The following CPQ variants were observed in gnomAD, a reference collection of about 807,000 sequenced individuals.
CPQ encodes the protein carboxypeptidase Q, also known as Ser-Met dipeptidase.
A neutral mutation model predicts 45.7 loss-of-function variants in CPQ; 37 were observed. That is an observed-to-expected ratio of 0.81 (90% CI 0.62 to 1.07). The LOEUF (loss-of-function observed/expected upper bound fraction) is 1.07, where lower values mean the gene tolerates loss of function less well. Among genes scored for constraint, CPQ ranks in the 50% least tolerant of loss-of-function variants. The pLI, the probability that CPQ is intolerant of heterozygous loss-of-function variation, is 0.00. For missense variants in CPQ, 537 were observed against 572.9 expected, an observed-to-expected ratio of 0.94 and a Z score of 0.64; for synonymous variants, 186 against 205.8, an observed-to-expected ratio of 0.90 and a Z score of 0.82.
In CPQ at chr8:96,900,658, T is replaced by A. The variant is rs187100936; in HGVS notation, c.849+20653T>A. Among the ~76,000 whole-genome samples the A allele has an allele frequency of 1.9e-3, 297 of 152,314 alleles. 1 individual carries two copies. The highest frequency in any genetic ancestry group is 6.7e-3 in the African/African-American group (277 of 41,582). On this transcript the variant is annotated intron_variant, in intron 4 of 7. Coordinates refer to ENST00000220763, the MANE Select transcript of CPQ (RefSeq NM_016134.4). ...GGTACATAGTGCTGCTTATAAATGA[T>A]GCATAAGTGACAATTTTATACTGTG...
chr8:96,683,881 G>A (rs967647359), intron 1 of CPQ, among the ~76,000 whole-genome samples: 3 of 151,750 alleles, frequency 2.0e-5, no homozygotes, highest in African/African-American at 7.3e-5. Flanking sequence ...TCAGTTCCAG[G>A]CCTTTGGTTT....
At chr8:97,063,258 G>T (rs966427777) in intron 6 of CPQ, among the ~76,000 whole-genome samples, 2 of 151,992 alleles carry the variant, frequency 1.3e-5, no homozygotes, top group African/African-American at 4.8e-5. Context: ...TCATATGCTT[G>T]TTGGCCACAC....
chr8:96,792,928 G>A (rs1810868682), intron 2 of CPQ, among the ~76,000 whole-genome samples: 2 of 152,118 alleles, frequency 1.3e-5, no homozygotes, highest in Admixed American at 6.5e-5. Context: ...CCTTCACAGG[G>A]CGGAAGGAGA....
intron 4 of CPQ, among the ~76,000 whole-genome samples, chr8:96,895,476 A>T (rs1586441932): frequency 6.6e-6 from 1 of 152,326 alleles, no homozygotes; most frequent in East Asian, 1.9e-4. Context: ...CCTGCAATTT[A>T]CTTAACCTGG....
At chr8:97,058,685 T>C (rs549064846) in intron 6 of CPQ, among the ~76,000 whole-genome samples, 1 of 152,262 alleles carries the variant, frequency 6.6e-6, no homozygotes, top group South Asian at 2.1e-4. Context: ...ATGTTGGCAC[T>C]TTCTCTTCTA....
intron 1 of CPQ, among the ~76,000 whole-genome samples, chr8:96,675,368 G>T (rs989769270): frequency 1.3e-5 from 2 of 152,016 alleles, no homozygotes; most frequent in Admixed American, 1.3e-4. Flanking sequence ...TTCAATATAT[G>T]TATGTAGAGA....
At chr8:97,122,936 TAAAATAAAATAAAATAAAATA>T (rs1563586792) in intron 7 of CPQ, among the ~76,000 whole-genome samples, 2 of 43,644 alleles carry the variant, frequency 4.6e-5, no homozygotes, top group Non-Finnish European at 6.9e-5. Flanking sequence ...ATAAATAAAA[TAAAATAAAATAAAATAAAATA>T]AAATAAAATA....
intron 7 of CPQ, among the ~76,000 whole-genome samples, chr8:97,103,438 G>A (rs1811351126): frequency 6.6e-6 from 1 of 152,182 alleles, no homozygotes; most frequent in South Asian, 2.1e-4. Context: ...TGTTATTTCT[G>A]TAACACCCAT....
intron 4 of CPQ, among the ~76,000 whole-genome samples, chr8:96,932,130 C>T (rs981751031): frequency 3.3e-5 from 5 of 151,898 alleles, no homozygotes; most frequent in East Asian, 3.9e-4. Flanking sequence ...CCAGATTGAA[C>T]GGTTGTTAAC....
chr8:96,662,054 CAT>C (rs1815707590), intron 1 of CPQ, among the ~76,000 whole-genome samples: 1 of 152,142 alleles, frequency 6.6e-6, no homozygotes, highest in Admixed American at 6.5e-5. Context: ...TATCTTTTCA[CAT>C]GTTTATTTTC....
At chr8:96,850,636 T>C (rs879362688) in intron 3 of CPQ, among the ~76,000 whole-genome samples, 13 of 149,142 alleles carry the variant, frequency 8.7e-5, no homozygotes, top group Admixed American at 2.7e-4. Context: ...TGAGATGCAG[T>C]TTTGCTCTTG....
At chr8:96,813,362 A>G (rs1276236248) in intron 2 of CPQ, among the ~76,000 whole-genome samples, 3 of 152,104 alleles carry the variant, frequency 2.0e-5, no homozygotes, top group Non-Finnish European at 4.4e-5. Flanking sequence ...GAACTCTGGT[A>G]CTGTCTACAC....
intron 7 of CPQ, among the ~76,000 whole-genome samples, chr8:97,073,929 G>A (rs534749064): frequency 1.6e-4 from 24 of 152,132 alleles, no homozygotes; most frequent in Non-Finnish European, 3.4e-4. Flanking sequence ...TGCATTCCTG[G>A]AAATTGTTCA....
At chr8:96,752,385 GTAGGAAT>G (rs1191379006) in intron 1 of CPQ, among the ~76,000 whole-genome samples, 1 of 152,016 alleles carries the variant, frequency 6.6e-6, no homozygotes, top group Non-Finnish European at 1.5e-5. Context: ...TATTCTTTTT[GTAGGAAT>G]TGTGAATGGG....
At chr8:97,063,423 G>C (rs1267303783) in intron 6 of CPQ, among the ~76,000 whole-genome samples, 2 of 152,122 alleles carry the variant, frequency 1.3e-5, no homozygotes, top group African/African-American at 2.4e-5. Context: ...CTGTTCTGCA[G>C]GTTGTCTGTT....
At chr8:96,666,628 A>G (rs1056168081) in intron 1 of CPQ, among the ~76,000 whole-genome samples, 3 of 152,230 alleles carry the variant, frequency 2.0e-5, no homozygotes, top group Non-Finnish European at 4.4e-5. Flanking sequence ...CGACTGGTCT[A>G]TCACAAGGTG....
At chr8:96,922,121 C>A (rs1026688029) in intron 4 of CPQ, among the ~76,000 whole-genome samples, 2 of 152,108 alleles carry the variant, frequency 1.3e-5, no homozygotes, top group African/African-American at 4.8e-5. Context: ...TTCCAGAGAC[C>A]TGTGTTGTTC....
At chr8:96,971,980 A>G (rs2130373537) in intron 5 of CPQ, among the ~76,000 whole-genome samples, 1 of 152,340 alleles carries the variant, frequency 6.6e-6, no homozygotes, top group Non-Finnish European at 1.5e-5. Context: ...TCAAGAACAT[A>G]TCAGGAAAGC....
intron 1 of CPQ, among the ~76,000 whole-genome samples, chr8:96,705,336 A>G (rs1380703490): frequency 6.6e-6 from 1 of 152,192 alleles, no homozygotes; most frequent in Non-Finnish European, 1.5e-5. Flanking sequence ...CCAGCTTAAT[A>G]GGCATGAAAT....
Sources: gnomAD v4.1 joint callset for allele counts (sites outside exome capture counted in the v4.1 genomes callset) on GRCh38, gnomAD v4.1.1 for gene constraint, MANE v1.5 for transcripts, NCBI Gene and HGNC (gene_info 2026-07-23, HGNC 2026-07-21) for gene names.